Variants in ITGBL1 observed in about 807,000 individuals in gnomAD.
The protein encoded by ITGBL1 is integrin beta-like protein 1.
In ITGBL1, 51 loss-of-function variants were observed where a neutral mutation model predicts 68.5. The observed-to-expected ratio is 0.74, with a 90% CI of 0.59 to 0.94. ITGBL1 has a LOEUF of 0.94. ITGBL1 is among the 40% of genes least tolerant of loss of function. The probability of loss-of-function intolerance (pLI) is 0.00; values close to 1 mark genes in which losing one functional copy is unlikely to be tolerated. For synonymous variants in ITGBL1, 209 were observed against 227.3 expected, an observed-to-expected ratio of 0.92 and a Z score of 0.72; for missense variants, 649 against 647.4, an observed-to-expected ratio of 1.00 and a Z score of -0.03.
At chr13:101,467,874 G>A (rs1008567412) in intron 2 of ITGBL1, among the ~76,000 whole-genome samples, 5 of 151,966 alleles carry the variant, frequency 3.3e-5, no homozygotes, top group African/African-American at 1.2e-4. Context: ...GGAAAGGTAG[G>A]CTAAATTTTT....
chr13:101,705,124 C>T (rs2034226503), intron 8 of ITGBL1, among the ~76,000 whole-genome samples: 1 of 151,826 alleles, frequency 6.6e-6, no homozygotes, highest in African/African-American at 2.4e-5. Context: ...TTCCTAGTAT[C>T]CTGTCTTTCT....
chr13:101,520,406 G>T (rs1472465801), intron 2 of ITGBL1, among the ~76,000 whole-genome samples: 1 of 151,974 alleles, frequency 6.6e-6, no homozygotes, highest in Admixed American at 6.6e-5. Flanking sequence ...AGAGTTTCAG[G>T]CCCAGTTTTT....
chr13:101,568,980 T>C (rs2050225689), intron 3 of ITGBL1, among the ~76,000 whole-genome samples: 1 of 151,106 alleles, frequency 6.6e-6, no homozygotes, highest in Non-Finnish European at 1.5e-5. Flanking sequence ...TTCTTTCTTC[T>C]TAGTAGGATT....
intron 7 of ITGBL1, among the ~76,000 whole-genome samples, chr13:101,665,370 T>G: frequency 6.6e-6 from 1 of 152,138 alleles, no homozygotes; most frequent in Middle Eastern, 3.4e-3. Context: ...CTATTTTCTG[T>G]TTTTTATATG....
At chr13:101,632,314 A>G (rs1213806621) in intron 7 of ITGBL1, among the ~76,000 whole-genome samples, 1 of 152,210 alleles carries the variant, frequency 6.6e-6, no homozygotes, top group Admixed American at 6.5e-5. Flanking sequence ...AAGGTGCTCA[A>G]TATCATCATC....
intron 2 of ITGBL1, among the ~76,000 whole-genome samples, chr13:101,503,264 C>T (rs1412261505): frequency 6.6e-6 from 1 of 152,168 alleles, no homozygotes; most frequent in East Asian, 1.9e-4. Flanking sequence ...TCCTAACCCT[C>T]TATTCCTTGG....
intron 2 of ITGBL1, among the ~76,000 whole-genome samples, chr13:101,540,272 G>A (rs1307973953): frequency 6.6e-6 from 1 of 152,078 alleles, no homozygotes; most frequent in East Asian, 1.9e-4. Context: ...TCTACATATG[G>A]CTAGCCAGTT....
intron 2 of ITGBL1, among the ~76,000 whole-genome samples, chr13:101,475,001 A>G (rs2139649343): frequency 6.6e-6 from 1 of 152,342 alleles, no homozygotes; most frequent in Middle Eastern, 3.4e-3. Flanking sequence ...GAAGACAACA[A>G]TAAATACCTA....
intron 2 of ITGBL1, among the ~76,000 whole-genome samples, chr13:101,475,745 C>T (rs2139650443): frequency 6.6e-6 from 1 of 150,514 alleles, no homozygotes; most frequent in South Asian, 2.1e-4. Flanking sequence ...CAGTGGAAAC[C>T]CTACAGGCCA....
intron 10 of ITGBL1, chr13:101,715,164 T>C (rs1331458999): frequency 2.3e-5 from 4 of 172,406 alleles, no homozygotes; most frequent in Non-Finnish European, 4.9e-5. Flanking sequence ...CTTTGCTTTC[T>C]GCCCATCCTT....
rs79754632 is a variant in ITGBL1 at position 101,579,396 on chromosome 13, G to A, written c.696G>A (p.Thr232=). ...CCTGGGAAAGCAAGCGAAGATGCAC[G>A]TCTCCAGATGGCAAAATCTGCAGTA... is the stretch of plus-strand genomic sequence containing the variant. ...ITPWESKRRC[T]SPDGKICSNR... is the part of the protein sequence containing the mutation. Residue 232 remains threonine, a synonymous_variant, in exon 5 of 11, where the codon ACG becomes ACA. Coordinates refer to ENST00000376180, the MANE Select transcript of ITGBL1 (RefSeq NM_004791.3). 4.1e-4 allele frequency: 662 copies of A among 1,613,790 alleles called. 3 individuals are homozygous for A. The East Asian group carries it at 7.8e-3, about 19-fold the overall frequency.
intron 7 of ITGBL1, among the ~76,000 whole-genome samples, chr13:101,633,673 T>A (rs2032067571): frequency 2.6e-5 from 4 of 152,132 alleles, no homozygotes; most frequent in African/African-American, 9.7e-5. Context: ...TCGGCCAAAG[T>A]AAGAAAAATA....
intron 7 of ITGBL1, among the ~76,000 whole-genome samples, chr13:101,684,499 C>A (rs982753256): frequency 6.6e-6 from 1 of 151,888 alleles, no homozygotes; most frequent in Admixed American, 6.6e-5. Context: ...ACATTTAAAT[C>A]TCAAAGCTTT....
intron 7 of ITGBL1, among the ~76,000 whole-genome samples, chr13:101,687,894 T>C (rs971012031): frequency 6.6e-6 from 1 of 152,116 alleles, no homozygotes; most frequent in Non-Finnish European, 1.5e-5. Context: ...GGTATCTCTT[T>C]TTTTAGATTT....
chr13:101,626,968 G>T (rs772705738), intron 7 of ITGBL1, among the ~76,000 whole-genome samples: 1 of 152,162 alleles, frequency 6.6e-6, no homozygotes, highest in Non-Finnish European at 1.5e-5. Flanking sequence ...AGATCTGAGT[G>T]AAATCCTGAT....
intron 2 of ITGBL1, among the ~76,000 whole-genome samples, chr13:101,478,893 A>G (rs1388185108): frequency 6.6e-6 from 1 of 152,112 alleles, no homozygotes; most frequent in East Asian, 1.9e-4. Context: ...ACCCAAAGCA[A>G]TCTACAGATA....
intron 7 of ITGBL1, among the ~76,000 whole-genome samples, chr13:101,633,665 G>A (rs540529740): frequency 1.3e-5 from 2 of 152,026 alleles, no homozygotes; most frequent in Admixed American, 6.6e-5. Flanking sequence ...CTGATCTTTC[G>A]GCCAAAGTAA....
At chr13:101,487,612 A>G (rs938556846) in intron 2 of ITGBL1, among the ~76,000 whole-genome samples, 27 of 152,178 alleles carry the variant, frequency 1.8e-4, no homozygotes, top group African/African-American at 6.3e-4. Flanking sequence ...CATAAGCATT[A>G]CCTGTGGTGT....
intron 7 of ITGBL1, among the ~76,000 whole-genome samples, chr13:101,643,535 G>T (rs1026947139): frequency 4.6e-5 from 7 of 152,114 alleles, no homozygotes; most frequent in Non-Finnish European, 8.8e-5. Flanking sequence ...AAGGCTTTAT[G>T]TGTCTTTCTC....
Sources: allele counts gnomAD v4.1 joint callset (sites outside exome capture counted in the v4.1 genomes callset), GRCh38; gene constraint gnomAD v4.1.1; transcripts MANE v1.5; gene names NCBI Gene and HGNC (gene_info 2026-07-23, HGNC 2026-07-21).